Variants in COL19A1 observed in about 807,000 individuals in gnomAD.
The protein encoded by COL19A1 is collagen alpha-1(XIX) chain.
Under a neutral mutation model 190.2 loss-of-function variants are expected in COL19A1, and 159 were observed. That is an observed-to-expected ratio of 0.84 (90% CI 0.73 to 0.95). The LOEUF (loss-of-function observed/expected upper bound fraction) is 0.95, where lower values mean the gene tolerates loss of function less well. COL19A1 is among the 40% of genes least tolerant of loss of function. The pLI, the probability that COL19A1 is intolerant of heterozygous loss-of-function variation, is 0.00. For synonymous variants in COL19A1, 509 were observed against 458.9 expected, an observed-to-expected ratio of 1.11 and a Z score of -1.39; for missense variants, 1,418 against 1,431.9, an observed-to-expected ratio of 0.99 and a Z score of 0.16.
intron 34 of COL19A1, among the ~76,000 whole-genome samples, chr6:70,161,000 A>T (rs1787762808): frequency 6.6e-6 from 1 of 152,196 alleles, no homozygotes; most frequent in Admixed American, 6.6e-5. Context: ...CAAAGTAACA[A>T]AACTAATTAC....
intron 9 of COL19A1, among the ~76,000 whole-genome samples, chr6:69,953,286 A>T (rs1774226184): frequency 6.6e-6 from 1 of 152,008 alleles, no homozygotes; most frequent in Non-Finnish European, 1.5e-5. Flanking sequence ...AAAATTCTCT[A>T]ATGAGTGAAG....
intron 15 of COL19A1, among the ~76,000 whole-genome samples, chr6:70,090,011 C>G (rs894649192): frequency 3.3e-5 from 5 of 151,912 alleles, no homozygotes; most frequent in Non-Finnish European, 5.9e-5. Flanking sequence ...ACACCCATCT[C>G]TACAAAAAAA....
chr6:70,093,597 A>AG (rs1041714747), intron 15 of COL19A1, among the ~76,000 whole-genome samples: 9 of 152,114 alleles, frequency 5.9e-5, no homozygotes, highest in Admixed American at 5.2e-4. Flanking sequence ...CACGTTCCAA[A>AG]GGGAAAAGCA....
intron 4 of COL19A1, 150 bp downstream of exon 4, chr6:69,900,488 T>G (rs1176014767): frequency 2.2e-6 from 1 of 445,694 alleles, no homozygotes; most frequent in African/African-American, 2.0e-5. Context: ...ATGTATTTGT[T>G]GTTTATAAAA....
At chr6:69,979,866 G>C (rs1324943146) in intron 11 of COL19A1, among the ~76,000 whole-genome samples, 1 of 151,624 alleles carries the variant, frequency 6.6e-6, no homozygotes, top group East Asian at 1.9e-4. Context: ...GGAAAAATAT[G>C]AATAAGAAAG....
intron 48 of COL19A1, among the ~76,000 whole-genome samples, chr6:70,192,481 T>C (rs1337074140): frequency 1.3e-5 from 2 of 150,876 alleles, no homozygotes; most frequent in African/African-American, 4.9e-5. Context: ...CTTTCTTTAT[T>C]TCTCTCTCTC....
At chr6:70,040,844 G>C (rs1245143472) in intron 14 of COL19A1, among the ~76,000 whole-genome samples, 1 of 152,068 alleles carries the variant, frequency 6.6e-6, no homozygotes, top group Non-Finnish European at 1.5e-5. Context: ...TATACTTTTT[G>C]ATATGACGTT....
chr6:70,166,054 G>C (rs772047055), intron 37 of COL19A1, 69 bp downstream of exon 37: 1 of 1,272,532 alleles, frequency 7.9e-7, no homozygotes, highest in Admixed American at 1.7e-5. Flanking sequence ...TCAGAGGTAA[G>C]ACTACATTTA....
chr6:69,989,656 T>C (rs1288295946), intron 11 of COL19A1, among the ~76,000 whole-genome samples: 1 of 150,228 alleles, frequency 6.7e-6, no homozygotes, highest in African/African-American at 2.5e-5. Context: ...AGGCAAAAGA[T>C]TGGACACCAC....
rs1199347359 is a variant in COL19A1, at chr6:70,156,133, T to G, written c.2086T>G (p.Cys696Gly). ...GDIGALLKNF[C>G]GNCQASVPGL... Reference sequence around the variant, plus strand: ...TTATCTTTATACTCATTAGAATTTCTGTGGCAACTGCCAAGCCAGTGTCCC... The same window carrying G: ...TTATCTTTATACTCATTAGAATTTCGGTGGCAACTGCCAAGCCAGTGTCCC... The change falls in exon 32 of 51, where the codon TGT becomes GGT. Residue 696 changes from cysteine (C) to glycine (G), a missense_variant. Coordinates refer to ENST00000620364, the MANE Select transcript of COL19A1 (RefSeq NM_001858.6). The G allele has an allele frequency of 6.2e-7, 1 of 1,612,660 alleles. No homozygotes were observed. The highest frequency in any genetic ancestry group is 1.7e-5 in the Admixed American group (1 of 59,826).
intron 14 of COL19A1, among the ~76,000 whole-genome samples, chr6:70,055,312 T>A (rs755579815): frequency 6.6e-6 from 1 of 152,102 alleles, no homozygotes; most frequent in African/African-American, 2.4e-5. Context: ...TTTGATACTG[T>A]CTGTCAAAGT....
chr6:70,052,658 A>G (rs1780271757), intron 14 of COL19A1, among the ~76,000 whole-genome samples: 1 of 152,184 alleles, frequency 6.6e-6, no homozygotes, highest in Non-Finnish European at 1.5e-5. Context: ...TGGAAAGTTT[A>G]ATACCTTCAT....
At chr6:70,205,532 A>T (rs1767800949) in intron 49 of COL19A1, among the ~76,000 whole-genome samples, 1 of 152,216 alleles carries the variant, frequency 6.6e-6, no homozygotes. Context: ...GTGTGTCCAC[A>T]TGAGTCTGCA....
At position 70,188,133 on chromosome 6, in the gene COL19A1, T is replaced by C. The variant is rs1316478711; in HGVS notation, c.2915T>C (p.Leu972Pro). Reference sequence around the variant, plus strand: ...CAAGGTGAACGGGGAAAACCAGGCCTTACAGGCATGAAGGGGGCCATCGGT... The same window carrying C: ...CAAGGTGAACGGGGAAAACCAGGCCCTACAGGCATGAAGGGGGCCATCGGT... The part of the protein sequence containing the change: ...GSQGERGKPG[L>P]TGMKGAIGPM... The change falls in exon 47 of 51, where the codon CTT becomes CCT. Residue 972 changes from leucine to proline, a missense_variant. Physicochemically the swap from Leu to Pro is moderately conservative, Grantham distance 98 (BLOSUM62 -3). Transcript: ENST00000620364. The C allele has an allele frequency of 2.5e-6, 4 of 1,613,718 alleles. No homozygotes were observed. The East Asian group carries it at 6.7e-5, about 27-fold the overall frequency.
chr6:70,080,339 G>A (rs1052296794), intron 15 of COL19A1, among the ~76,000 whole-genome samples: 1 of 152,194 alleles, frequency 6.6e-6, no homozygotes, highest in Non-Finnish European at 1.5e-5. Flanking sequence ...GATGGTGAAA[G>A]GGGCAGGCCT....
chr6:69,929,756 T>A (rs751584728), intron 6 of COL19A1, 56 bp downstream of exon 6: 4 of 1,339,184 alleles, frequency 3.0e-6, no homozygotes, highest in African/African-American at 1.6e-5. Flanking sequence ...AAAAAAAAAA[T>A]CTTATTAAAA....
At chr6:70,120,689 C>G (rs1053774243) in intron 16 of COL19A1, among the ~76,000 whole-genome samples, 2 of 152,068 alleles carry the variant, frequency 1.3e-5, no homozygotes, top group African/African-American at 2.4e-5. Context: ...CTTGTGAGGC[C>G]CATTATTTTC....
chr6:69,889,029 A>T (rs1052138463), intron 2 of COL19A1, among the ~76,000 whole-genome samples: 4 of 152,228 alleles, frequency 2.6e-5, no homozygotes, highest in African/African-American at 9.6e-5. Context: ...TTTTTAAAAA[A>T]TGCAAAATGC....
chr6:69,967,256 T>G (rs1775168931), intron 11 of COL19A1, among the ~76,000 whole-genome samples: 1 of 152,218 alleles, frequency 6.6e-6, no homozygotes, highest in African/African-American at 2.4e-5. Flanking sequence ...TACCTGGATC[T>G]AAGATGCTTC....
Sources: allele counts gnomAD v4.1 joint callset (sites outside exome capture counted in the v4.1 genomes callset), GRCh38; gene constraint gnomAD v4.1.1; transcripts MANE v1.5; gene names NCBI Gene and HGNC (gene_info 2026-07-23, HGNC 2026-07-21).